MIDEAS: variants seen among roughly 807,000 people sequenced by gnomAD.
MIDEAS encodes the protein mitotic deacetylase associated SANT domain protein.
In MIDEAS, 26 loss-of-function variants were observed where a neutral mutation model predicts 102.7. The observed-to-expected ratio is 0.25, with a 90% confidence interval of 0.19 to 0.35. The LOEUF is 0.35. MIDEAS is among the 10% of genes least tolerant of loss of function. The pLI is 1.00. For missense variants in MIDEAS, 1,231 were observed against 1,435.6 expected, an observed-to-expected ratio of 0.86 and a Z score of 2.30; for synonymous variants, 585 against 591.0, an observed-to-expected ratio of 0.99 and a Z score of 0.15.
chr14:73,738,975 C>A lies in MIDEAS; in HGVS notation c.1034G>T (p.Arg345Leu). 6.5e-7 allele frequency: 1 copy of A among 1,530,966 alleles called. No individual in the cohort carries two copies. 94.8% of individuals were successfully genotyped at this position (1,530,966 alleles called of 1,614,324 possible). Residue 345 changes from arginine (R) to leucine (L), a missense_variant, in exon 2 of 13, where the codon CGC becomes CTC. Transcript: ENST00000423556. ...LPQVQIPFPR[R>L]SRRLSKEGIL... Reference sequence around the variant, plus strand: ...ACCCTCCTTAGAGAGGCGGCGGGAGCGGCGGGGGAAGGGGATCTGGACCTG... The same window carrying A: ...ACCCTCCTTAGAGAGGCGGCGGGAGAGGCGGGGGAAGGGGATCTGGACCTG...
chr14:73,778,051 G>A (rs2053707251), intron 1 of MIDEAS, among the ~76,000 whole-genome samples: 1 of 151,764 alleles, frequency 6.6e-6, no homozygotes, highest in Non-Finnish European at 1.5e-5. Context: ...CTGACAGAAC[G>A]CACCTTATAA....
At chr14:73,776,352 TAAG>T (rs2053688285) in intron 1 of MIDEAS, among the ~76,000 whole-genome samples, 3 of 151,816 alleles carry the variant, frequency 2.0e-5, no homozygotes, top group Admixed American at 2.0e-4. Context: ...AGCGGGAGGC[TAAG>T]GATTCAGAAG....
upstream of MIDEAS, chr14:73,789,063 G>A (rs542126163): frequency 2.0e-5 from 3 of 152,104 alleles, no homozygotes; most frequent in South Asian, 6.2e-4. Context: ...CCAAGTGGAG[G>A]ATGTGGTAGA....
At chr14:73,787,214 GCGGGCGGTGCGGCC>G (rs2140186529) in exon 1 of MIDEAS, 2 of 148,702 alleles carry the variant, frequency 1.3e-5, no homozygotes, top group South Asian at 2.1e-4. Context: ...TCCTCGCGGA[GCGGGCGGTGCGGCC>G]CGGGCTGTGC....
At chr14:73,788,119 A>T (rs2053835815), upstream of MIDEAS, among the ~76,000 whole-genome samples, 1 of 151,968 alleles carries the variant, frequency 6.6e-6, no homozygotes, top group African/African-American at 2.4e-5. Flanking sequence ...CTGATCTCAT[A>T]AGGCTGGAGA....
In MIDEAS at chr14:73,721,280, A is replaced by C; in HGVS notation, c.2937+17T>G. 6.2e-7 allele frequency: 1 copy of C among 1,610,174 alleles called. No individual in the cohort carries two copies. Among genetic ancestry groups the C allele is most frequent in the Non-Finnish European group, 8.5e-7 (1 of 1,179,488 alleles). ...ACCCTGCTTGCCCTGGGCTCAGCCCATGGTGGTCACACTCACCGACTCATT... is the reference window on the plus strand; with the variant it reads ...ACCCTGCTTGCCCTGGGCTCAGCCCCTGGTGGTCACACTCACCGACTCATT... On this transcript the variant is annotated intron_variant, in intron 11 of 12. Coordinates refer to ENST00000423556, the MANE Select transcript of MIDEAS (RefSeq NM_001367710.1).
intron 7 of MIDEAS, 27 bp downstream of exon 7, chr14:73,726,577 C>T (rs2053063523): frequency 1.2e-6 from 2 of 1,607,816 alleles, no homozygotes; most frequent in African/African-American, 1.3e-5. Flanking sequence ...CTGAGGGGCC[C>T]TCCCTCTGCT....
At chr14:73,721,248 C>G in intron 11 of MIDEAS, 49 bp downstream of exon 11, 1 of 1,581,272 alleles carries the variant, frequency 6.3e-7, no homozygotes, top group African/African-American at 1.3e-5. Context: ...CCCCCAGGCC[C>G]AGCTCCACCC....
Position 73,718,887 on chromosome 14 carries a change from G to A in MIDEAS, c.3256C>T (p.Gln1086Ter), listed in dbSNP as rs778056912. ...CCGCTCTCCTCCCGCAGGGCCTGCT[G>A]GTGGGCGGCGGCGGCGGCAGCAGCG... ...EAAAAAAAAH[Q>*]QALREESGAG... Residue 1086 changes from glutamine (Q) to a stop codon, truncating the protein, a stop_gained, in exon 13 of 13, where the codon CAG (glutamine) becomes TAG (stop). Coordinates refer to ENST00000423556, the MANE Select transcript of MIDEAS (RefSeq NM_001367710.1). LOFTEE classifies it high-confidence loss of function. 1.4e-5 allele frequency: 21 copies of A among 1,517,848 alleles called. No homozygotes were observed. The highest frequency in any genetic ancestry group is 7.3e-5 in the South Asian group (6 of 81,808). The allele number at this position is 1,517,848 out of a possible 1,614,324, so 94.0% of individuals were successfully genotyped here. A position where few individuals can be genotyped will look rare whatever the true frequency, so the allele number is the denominator to read the frequency against.
chr14:73,730,075 G>T, intron 3 of MIDEAS, 90 bp from the exon 4 acceptor site: 1 of 1,348,826 alleles, frequency 7.4e-7, no homozygotes, highest in Non-Finnish European at 1.0e-6. Context: ...CTCACCTTTG[G>T]AACTTAGTCT....
intron 3 of MIDEAS, among the ~76,000 whole-genome samples, chr14:73,734,511 G>A (rs555870527): frequency 1.2e-4 from 18 of 152,212 alleles, no homozygotes; most frequent in South Asian, 1.0e-3. Context: ...GGGCTCAAGC[G>A]ATCCTCCCAC....
chr14:73,756,313 C>T (rs2140149813), intron 1 of MIDEAS, among the ~76,000 whole-genome samples: 1 of 146,816 alleles, frequency 6.8e-6, no homozygotes, highest in Admixed American at 6.9e-5. Context: ...CGCGTGCGCG[C>T]TGAGGTGGAG....
At position 73,770,947 on chromosome 14, in the gene MIDEAS, T is replaced by G. The variant is rs145577509; in HGVS notation, c.-248+16155A>C. Among the ~76,000 whole-genome samples the G allele has an allele frequency of 2.1e-3, 322 of 152,218 alleles. 2 individuals are homozygous for G. Among genetic ancestry groups the G allele is most frequent in the Admixed American group, 5.2e-3 (80 of 15,296 alleles). ...CACTTAATATTCACATGACCAGCAATGATCAGAACCAGGCTCAATGCCACT... is the reference window on the plus strand; with the variant it reads ...CACTTAATATTCACATGACCAGCAAGGATCAGAACCAGGCTCAATGCCACT... On this transcript the variant is annotated intron_variant, in intron 1 of 11. Transcript: ENST00000394071.
Position 73,725,408 on chromosome 14 carries a change from C to G in MIDEAS, c.2486-48G>C. ...GGGAGTGAGGTGGGCAGGGCCCTGG[C>G]CACTGCAGGGCAATTTTGACAAGCA... is the stretch of plus-strand genomic sequence containing the variant. On this transcript the variant is annotated intron_variant, in intron 8 of 12. Transcript: ENST00000423556. This position sits in a 1 kb window ranked among gnomAD's most constrained non-coding sequence, Gnocchi z 4.1. 2.0e-6 allele frequency: 3 copies of G among 1,512,482 alleles called. No individual in the cohort carries two copies. The highest frequency in any genetic ancestry group is 2.8e-6 in the Non-Finnish European group (3 of 1,088,484). 93.7% of individuals were successfully genotyped at this position (1,512,482 alleles called of 1,614,324 possible). A position where few individuals can be genotyped will look rare whatever the true frequency, so the allele number is the denominator to read the frequency against.
In MIDEAS at chr14:73,726,952, C is replaced by T; in HGVS notation, c.2183G>A (p.Arg728Gln). 1.2e-6 allele frequency: 2 copies of T among 1,612,098 alleles called. No homozygotes were observed. Among genetic ancestry groups the T allele is most frequent in the Non-Finnish European group, 1.7e-6 (2 of 1,178,594 alleles). ...CATCAAGGGGATTTCTGCCTGGAAC[C>T]GGGAGCCCACGTTGATCCGTCTAGA... Reference protein sequence around the residue: ...SIEPRINVGSRFQAEIPLMRD... With the variant: ...SIEPRINVGSQFQAEIPLMRD... Residue 728 changes from arginine to glutamine, a missense_variant, in exon 6 of 13, where the codon CGG becomes CAG. By Grantham distance (43) the Arg-to-Gln change is conservative. Transcript: ENST00000423556.
chr14:73,785,034 A>C (rs1034958952), intron 1 of MIDEAS, among the ~76,000 whole-genome samples: 8 of 152,204 alleles, frequency 5.3e-5, no homozygotes, highest in African/African-American at 1.9e-4. Flanking sequence ...ACTCCAGTGC[A>C]CTGGAATCAT....
intron 1 of MIDEAS, among the ~76,000 whole-genome samples, chr14:73,769,910 TTTTG>T (rs1359532945): frequency 8.7e-5 from 12 of 137,308 alleles, no homozygotes; most frequent in South Asian, 5.4e-4. Flanking sequence ...GGGTTTTTTT[TTTTG>T]TTTTTTTTTT....
At chr14:73,750,886 C>T (rs1388077610) in intron 1 of MIDEAS, among the ~76,000 whole-genome samples, 1 of 152,256 alleles carries the variant, frequency 6.6e-6, no homozygotes, top group Non-Finnish European at 1.5e-5. Flanking sequence ...AGGTTTATCC[C>T]AACATCACAC....
At chr14:73,746,289 A>G (rs1217286592) in intron 1 of MIDEAS, among the ~76,000 whole-genome samples, 1 of 152,178 alleles carries the variant, frequency 6.6e-6, no homozygotes, top group Non-Finnish European at 1.5e-5. Context: ...TGCAGAGAGA[A>G]AACAGTCATG....
Sources: gnomAD v4.1 joint callset for allele counts (sites outside exome capture counted in the v4.1 genomes callset) on GRCh38, gnomAD v4.1.1 for gene constraint, Gnocchi (gnomAD v3.1) non-coding constraint, MANE v1.5 for transcripts, NCBI Gene and HGNC (gene_info 2026-07-23, HGNC 2026-07-21) for gene names.